LARP1: variants seen among roughly 807,000 people sequenced by gnomAD.
LARP1 encodes La ribonucleoprotein 1, translational regulator.
A neutral mutation model predicts 122.7 loss-of-function variants in LARP1; 36 were observed. The ratio of observed to expected loss-of-function variants is 0.29; its 90% CI spans 0.22 to 0.39. The LOEUF (loss-of-function observed/expected upper bound fraction) is 0.39. LARP1 is among the 10% of genes least tolerant of loss of function. The probability of loss-of-function intolerance (pLI) is 1.00; values close to 1 mark genes in which losing one functional copy is unlikely to be tolerated. For synonymous variants in LARP1, 539 were observed against 528.7 expected (o/e 1.02, Z -0.27); for missense variants, 1,040 against 1,403.6 (o/e 0.74, Z 4.14).
chr5:154,764,036 C>T (rs1482858146), intron 1 of LARP1, among the ~76,000 whole-genome samples: 1 of 150,750 alleles, frequency 6.6e-6, no homozygotes, highest in East Asian at 2.0e-4. Context: ...TGCCTGGGTG[C>T]GGTGGTTCAC....
intron 1 of LARP1, among the ~76,000 whole-genome samples, chr5:154,742,807 T>G (rs529301940): frequency 1.3e-5 from 2 of 151,980 alleles, no homozygotes; most frequent in African/African-American, 4.8e-5. Context: ...ATATTAGGCT[T>G]TTTCAGAAAT....
Position 154,814,259 on chromosome 5 carries a change from G to T in LARP1, c.*163G>T. 1.5e-6 allele frequency: 1 copy of T among 670,686 alleles called. No homozygotes were observed. The highest frequency in any genetic ancestry group is 2.5e-6 in the Non-Finnish European group (1 of 394,242). 41.5% of individuals were successfully genotyped at this position (670,686 alleles called of 1,614,324 possible). A position where few individuals can be genotyped will look rare whatever the true frequency, so the allele number is the denominator to read the frequency against. On this transcript the variant is annotated 3_prime_UTR_variant, in exon 19 of 19. Coordinates refer to ENST00000518297, the MANE Select transcript of LARP1 (RefSeq NM_033551.3). ...AATGTATACACCATTTGGGCTATCA[G>T]AGGTACCCCTGGGCAGGAGCCTCTA...
intron 1 of LARP1, among the ~76,000 whole-genome samples, chr5:154,771,272 C>T (rs1490510995): frequency 1.3e-5 from 2 of 152,132 alleles, no homozygotes; most frequent in African/African-American, 4.8e-5. Flanking sequence ...GGAACCCAGG[C>T]CGGAGTTCCT....
intron 1 of LARP1, among the ~76,000 whole-genome samples, chr5:154,724,813 C>T (rs944406768): frequency 6.6e-6 from 1 of 152,074 alleles, no homozygotes; most frequent in Non-Finnish European, 1.5e-5. Context: ...ACTACAGGTG[C>T]ACGCCACCAT....
At position 154,767,050 on chromosome 5, in the gene LARP1, A is replaced by G. The variant is rs958473170; in HGVS notation, c.436+10857A>G. Among the ~76,000 whole-genome samples, 28 of 152,194 alleles carry G rather than the reference A, an allele frequency of 1.8e-4. 2 individuals are homozygous for G. The highest frequency in any genetic ancestry group is 1.4e-3 in the Admixed American group (21 of 15,280). Reference sequence around the variant, plus strand: ...GCTGAGACTTGAAACTGCTCCCACTACAGTTCTGTTTTAACTCTACCTCTG... The same window carrying G: ...GCTGAGACTTGAAACTGCTCCCACTGCAGTTCTGTTTTAACTCTACCTCTG... On this transcript the variant is annotated intron_variant, in intron 1 of 18. Coordinates refer to ENST00000518297, the MANE Select transcript of LARP1 (RefSeq NM_033551.3).
rs1028844840 is a variant in LARP1 at position 154,694,836 on chromosome 5, T to C, written c.-180+11799T>C. Among the ~76,000 whole-genome samples, 3 of 152,120 alleles carry C rather than the reference T, an allele frequency of 2.0e-5. No individual in the cohort carries two copies. In the East Asian group the frequency reaches 5.8e-4, roughly 30 times the overall value. The stretch of plus-strand genomic sequence containing the variant: ...ATGTGATTGATGTATAGGTATTTGG[T>C]TTATTGTTTTTTTTTATTTTTCTGA... On this transcript the variant is annotated intron_variant, in intron 1 of 18. Transcript: ENST00000687700.
chr5:154,693,395 A>G (rs898863267), intron 1 of LARP1, among the ~76,000 whole-genome samples: 17 of 152,158 alleles, frequency 1.1e-4, no homozygotes, highest in Non-Finnish European at 2.4e-4. Flanking sequence ...GGAGAGGGCT[A>G]TTACAGAGTT....
At chr5:154,710,131 C>G (rs1329669788), upstream of LARP1, among the ~76,000 whole-genome samples, 3 of 152,116 alleles carry the variant, frequency 2.0e-5, no homozygotes, top group Non-Finnish European at 4.4e-5. Context: ...GCTTTGGTGG[C>G]TGCCCGCCGC....
chr5:154,756,242 C>T (rs115865323), intron 1 of LARP1, 49 bp downstream of exon 1: 84,920 of 1,168,196 alleles, frequency 0.073, 3,317 homozygotes, highest in Admixed American at 0.16. Flanking sequence ...CTTCCGGGGA[C>T]ATGGGAGTCC....
intron 1 of LARP1, among the ~76,000 whole-genome samples, chr5:154,697,253 G>A (rs983989742): frequency 6.8e-6 from 1 of 147,578 alleles, no homozygotes; most frequent in African/African-American, 2.5e-5. Context: ...TGAACCAAAT[G>A]GGGAGGCAGG....
intron 8 of LARP1, among the ~76,000 whole-genome samples, chr5:154,796,287 G>A (rs1395906356): frequency 6.7e-6 from 1 of 148,792 alleles, no homozygotes; most frequent in African/African-American, 2.5e-5. Context: ...GGGAGGCCAA[G>A]GGGAGGGTCA....
intron 1 of LARP1, among the ~76,000 whole-genome samples, chr5:154,747,732 C>T (rs1484760130): frequency 4.7e-5 from 7 of 150,114 alleles, no homozygotes; most frequent in East Asian, 2.0e-4. Flanking sequence ...GGCATGGTTA[C>T]GCATGCCTGT....
At chr5:154,775,231 T>C (rs1755772222) in intron 1 of LARP1, among the ~76,000 whole-genome samples, 1 of 152,104 alleles carries the variant, frequency 6.6e-6, no homozygotes, top group Non-Finnish European at 1.5e-5. Context: ...GTTCAGGAGC[T>C]TGAGGCTGCG....
At chr5:154,759,434 C>G (rs943092701) in intron 1 of LARP1, among the ~76,000 whole-genome samples, 1 of 152,144 alleles carries the variant, frequency 6.6e-6, no homozygotes, top group African/African-American at 2.4e-5. Flanking sequence ...ACATGAAGGG[C>G]ATGGATGGAT....
At chr5:154,775,853 G>A (rs979688806) in intron 1 of LARP1, among the ~76,000 whole-genome samples, 1 of 152,096 alleles carries the variant, frequency 6.6e-6, no homozygotes, top group South Asian at 2.1e-4. Context: ...GATAACCTTC[G>A]GCTAACCACT....
In LARP1 at chr5:154,799,855, C is replaced by T; in HGVS notation, c.1547-18C>T. ...AGGAGGACTGGAGGGATGAGGACTT[C>T]CCCTTTCCACCCTTTAGAGTCGGCA... On this transcript the variant is annotated intron_variant, in intron 9 of 18. Transcript: ENST00000518297. 1 of 1,612,190 alleles carries T rather than the reference C, an allele frequency of 6.2e-7. No homozygotes were observed. Among genetic ancestry groups the T allele is most frequent in the Non-Finnish European group, 8.5e-7 (1 of 1,178,664 alleles).
chr5:154,791,542 T>A (rs1028276567), intron 3 of LARP1, among the ~76,000 whole-genome samples: 5 of 152,214 alleles, frequency 3.3e-5, no homozygotes, highest in African/African-American at 1.2e-4. Context: ...TAGTGGTTAA[T>A]AGAATCTGAG....
intron 10 of LARP1, 27 bp downstream of exon 10, chr5:154,800,069 G>C: frequency 1.2e-6 from 2 of 1,608,348 alleles, no homozygotes; most frequent in Non-Finnish European, 1.7e-6. Flanking sequence ...CCCTTGCCTT[G>C]GTTCTAGCAC....
intron 1 of LARP1, 122 bp from the exon 2 acceptor site, chr5:154,790,203 C>T: frequency 1.4e-6 from 1 of 735,748 alleles, no homozygotes; most frequent in Non-Finnish European, 2.3e-6. Context: ...TCTACTGTGT[C>T]TTTCTCCTTT....
Sources: allele counts gnomAD v4.1 joint callset (sites outside exome capture counted in the v4.1 genomes callset), GRCh38; gene constraint gnomAD v4.1.1; transcripts MANE v1.5; gene names NCBI Gene and HGNC (gene_info 2026-07-23, HGNC 2026-07-21).